Variants in EFR3B observed in about 807,000 individuals in gnomAD.
EFR3B encodes protein EFR3 homolog B.
A neutral mutation model predicts 104.7 loss-of-function variants in EFR3B; 64 were observed. The observed-to-expected ratio is 0.61, with a 90% CI of 0.50 to 0.75. The LOEUF (loss-of-function observed/expected upper bound fraction) is 0.75. EFR3B is among the 30% of genes least tolerant of loss of function. The pLI is 0.00. For synonymous variants in EFR3B, 385 were observed against 417.9 expected (o/e 0.92, Z 0.96); for missense variants, 750 against 1,078.5 (o/e 0.70, Z 4.27).
chr2:25,065,456 G>C (rs904514851), intron 1 of EFR3B, among the ~76,000 whole-genome samples: 4 of 150,678 alleles, frequency 2.7e-5, no homozygotes, highest in Non-Finnish European at 5.9e-5. Flanking sequence ...CTCCCAAAGT[G>C]CTGAGATTAC....
At chr2:25,072,542 A>G (rs993008923) in intron 1 of EFR3B, among the ~76,000 whole-genome samples, 2 of 152,112 alleles carry the variant, frequency 1.3e-5, no homozygotes, top group African/African-American at 4.8e-5. Context: ...TCAGCCTCCC[A>G]AAGTGCTAGG....
intron 1 of EFR3B, among the ~76,000 whole-genome samples, chr2:25,047,642 G>A (rs979513499): frequency 6.6e-6 from 1 of 152,012 alleles, no homozygotes; most frequent in Non-Finnish European, 1.5e-5. Flanking sequence ...GGGATTACAG[G>A]CGTGTGCCAC....
chr2:25,136,844 A>G lies in EFR3B; in HGVS notation c.1560+246A>G, dbSNP rs1252568243. ...GGCAGGAGAATCGCTTGAACCCAGA[A>G]GGTGGAGGTTGCAGTGAACCGAGAT... is the stretch of plus-strand genomic sequence containing the variant. On this transcript the variant is annotated intron_variant, in intron 14 of 22. Transcript: ENST00000403714. The surrounding 1 kb of genome is among the most constrained non-coding windows in gnomAD (Gnocchi z 4.0). Among the ~76,000 whole-genome samples, 1 of 152,190 alleles carries G rather than the reference A, an allele frequency of 6.6e-6. No individual in the cohort carries two copies. The highest frequency in any genetic ancestry group is 2.4e-5 in the African/African-American group (1 of 41,450).
At chr2:25,089,734 TGAG>T (rs965153701) in intron 1 of EFR3B, among the ~76,000 whole-genome samples, 3 of 151,758 alleles carry the variant, frequency 2.0e-5, no homozygotes, top group Non-Finnish European at 2.9e-5. Flanking sequence ...AGGGAGAGGG[TGAG>T]GAGATGCCAG....
intron 3 of EFR3B, among the ~76,000 whole-genome samples, chr2:25,093,995 G>C (rs1421137524): frequency 6.6e-6 from 1 of 152,090 alleles, no homozygotes; most frequent in Non-Finnish European, 1.5e-5. Flanking sequence ...TGTCAATATA[G>C]AAACACTGAG....
chr2:25,145,054 G>C lies in EFR3B; in HGVS notation c.2142+3G>C. On this transcript the variant is annotated splice_donor_region_variant and intron_variant, in intron 19 of 22. Coordinates refer to ENST00000403714, the MANE Select transcript of EFR3B (RefSeq NM_014971.2). Reference sequence around the variant, plus strand: ...GGAACAGTCCGGAGAAGGAGGAGGTGAGTGTCCGTGCCACCGTCCTGGGGC... The same window carrying C: ...GGAACAGTCCGGAGAAGGAGGAGGTCAGTGTCCGTGCCACCGTCCTGGGGC... 6.4e-7 allele frequency: 1 copy of C among 1,551,708 alleles called. No individual in the cohort carries two copies. The highest frequency in any genetic ancestry group is 8.7e-7 in the Non-Finnish European group (1 of 1,146,942).
chr2:25,121,568 C>A, intron 4 of EFR3B, 105 bp from the exon 5 acceptor site: 1 of 1,423,910 alleles, frequency 7.0e-7, no homozygotes, highest in South Asian at 1.3e-5. Flanking sequence ...CTCCAGGATG[C>A]GTGGTTCCCA....
At chr2:25,129,288 T>C (rs1293947427) in intron 6 of EFR3B, among the ~76,000 whole-genome samples, 1 of 137,414 alleles carries the variant, frequency 7.3e-6, no homozygotes, top group Non-Finnish European at 1.5e-5. Flanking sequence ...GGTCGGTTGA[T>C]CCCAGGCTAC....
intron 1 of EFR3B, among the ~76,000 whole-genome samples, chr2:25,054,410 C>T (rs904899253): frequency 2.0e-5 from 3 of 152,084 alleles, no homozygotes; most frequent in African/African-American, 7.2e-5. Flanking sequence ...CAACTTCTGC[C>T]TCCCAGGTTC....
At chr2:25,063,287 A>G (rs984026830) in intron 1 of EFR3B, among the ~76,000 whole-genome samples, 10 of 152,184 alleles carry the variant, frequency 6.6e-5, no homozygotes, top group African/African-American at 2.4e-4. Context: ...GTGACCTCAC[A>G]GCCCACAGTA....
At chr2:25,113,400 A>C (rs1669774474) in intron 4 of EFR3B, among the ~76,000 whole-genome samples, 1 of 152,120 alleles carries the variant, frequency 6.6e-6, no homozygotes, top group Non-Finnish European at 1.5e-5. Context: ...AGAAATAGTG[A>C]CCAGGCCGGG....
intron 1 of EFR3B, among the ~76,000 whole-genome samples, chr2:25,046,407 CG>C (rs1350695478): frequency 6.6e-6 from 1 of 151,778 alleles, no homozygotes; most frequent in Non-Finnish European, 1.5e-5. Context: ...AAAACCACAC[CG>C]AAAATGTGCT....
Position 25,042,304 on chromosome 2 carries a change from C to G in EFR3B, c.-9C>G, listed in dbSNP as rs1248582014. ...CGCCGGCCTCTCGAGAGGCGCGCGCCCCGCCGAGATGTACGGTAAGGAGGG... is the reference window on the plus strand; with the variant it reads ...CGCCGGCCTCTCGAGAGGCGCGCGCGCCGCCGAGATGTACGGTAAGGAGGG... On this transcript the variant is annotated 5_prime_UTR_variant, in exon 1 of 23. Coordinates refer to ENST00000403714, the MANE Select transcript of EFR3B (RefSeq NM_014971.2). The surrounding 1 kb of genome is among the most constrained non-coding windows in gnomAD (Gnocchi z 5.4). 2 of 1,292,366 alleles carry G rather than the reference C, an allele frequency of 1.5e-6. No individual in the cohort carries two copies. Among genetic ancestry groups the G allele is most frequent in the Admixed American group, 4.2e-5 (1 of 24,086 alleles). The allele number at this position is 1,292,366 out of a possible 1,614,324, so 80.1% of individuals were successfully genotyped here.
At chr2:25,081,182 C>CT (rs1668792923) in intron 1 of EFR3B, 1 of 759,786 alleles carries the variant, frequency 1.3e-6, no homozygotes, top group African/African-American at 1.7e-5. Flanking sequence ...TGGTAAACAA[C>CT]TTTTTCCCAA....
chr2:25,074,674 G>A (rs185759018), intron 1 of EFR3B, among the ~76,000 whole-genome samples: 24 of 149,320 alleles, frequency 1.6e-4, no homozygotes, highest in East Asian at 1.6e-3. Context: ...CTGGAGTACC[G>A]TGGCGTGATC....
chr2:25,092,987 C>G lies in EFR3B; in HGVS notation c.85-16C>G, dbSNP rs768218766. The stretch of plus-strand genomic sequence containing the variant: ...ATAGTGTGGCCATAGTGAGCACAAG[C>G]TGTTTTCTCCTACAGGATGGTCTGG... On this transcript the variant is annotated splice_polypyrimidine_tract_variant and intron_variant, in intron 2 of 22. Transcript: ENST00000403714. 2 of 1,541,670 alleles carry G rather than the reference C, an allele frequency of 1.3e-6. No homozygotes were observed. The highest frequency in any genetic ancestry group is 2.4e-5 in the East Asian group (1 of 40,918).
At chr2:25,050,116 G>A (rs988861922) in intron 1 of EFR3B, among the ~76,000 whole-genome samples, 4 of 151,336 alleles carry the variant, frequency 2.6e-5, no homozygotes, top group South Asian at 4.2e-4. Context: ...GGCAACAAGA[G>A]TGAAACTCCA....
intron 6 of EFR3B, 130 bp from the exon 7 acceptor site, chr2:25,129,845 C>A: frequency 2.4e-6 from 3 of 1,257,354 alleles, no homozygotes; most frequent in Non-Finnish European, 2.1e-6. Flanking sequence ...GACGCCTCCC[C>A]TATTGCCTAG....
intron 3 of EFR3B, among the ~76,000 whole-genome samples, chr2:25,097,092 C>CT (rs1669301795): frequency 1.3e-5 from 2 of 152,186 alleles, no homozygotes; most frequent in Non-Finnish European, 2.9e-5. Context: ...ACTAATTTCA[C>CT]TGGCTGTCTC....
Sources: allele counts gnomAD v4.1 joint callset (sites outside exome capture counted in the v4.1 genomes callset), GRCh38; gene constraint gnomAD v4.1.1; non-coding constraint Gnocchi (gnomAD v3.1); transcripts MANE v1.5; gene names NCBI Gene and HGNC (gene_info 2026-07-23, HGNC 2026-07-21).